Variants in DHRSX observed in about 807,000 individuals in gnomAD.
The protein encoded by DHRSX is polyprenol dehydrogenase.
DHRSX carries 31 observed loss-of-function variants against 34.0 expected under a neutral mutation model. The ratio of observed to expected loss-of-function variants is 0.91; its 90% CI spans 0.69 to 1.23. The LOEUF (loss-of-function observed/expected upper bound fraction) is 1.23. DHRSX is among the 50% of genes most tolerant of loss of function. The pLI is 0.00. For missense variants in DHRSX, 414 were observed against 428.1 expected (o/e 0.97, Z 0.29); for synonymous variants, 201 against 183.8 (o/e 1.09, Z -0.76).
chrX:2,274,803 T>C lies in DHRSX; in HGVS notation c.389-7856A>G, dbSNP rs758211325. Among the ~76,000 whole-genome samples the C allele has an allele frequency of 4.6e-5, 7 of 152,234 alleles. No homozygotes were observed. In the East Asian group the frequency reaches 1.2e-3, roughly 25 times the overall value. On this transcript the variant is annotated intron_variant, in intron 4 of 6. Coordinates refer to ENST00000334651, the MANE Select transcript of DHRSX (RefSeq NM_145177.3). The stretch of plus-strand genomic sequence containing the variant: ...GCAAACCCACCTGAAACGCTGATAT[T>C]TACGGAACGAAAGCCTGACATATTC...
chrX:2,447,310 T>G (rs1003294952), intron 1 of DHRSX, among the ~76,000 whole-genome samples: 5 of 151,952 alleles, frequency 3.3e-5, no homozygotes, highest in Non-Finnish European at 7.4e-5. Flanking sequence ...AGACATTCAC[T>G]AAGAATGTGG....
rs988671646 is a variant in DHRSX at position 2,242,956 on chromosome X, C to G, written c.804+67G>C. On this transcript the variant is annotated intron_variant, in intron 6 of 6. Coordinates refer to ENST00000334651, the MANE Select transcript of DHRSX (RefSeq NM_145177.3). ...CAAGAACCCTCCCTTGGGGTCTGGA[C>G]TGGGGACCCCCTTTCCTGTAGCATC... is the stretch of plus-strand genomic sequence containing the variant. The G allele has an allele frequency of 1.1e-4, 167 of 1,515,618 alleles. No individual in the cohort carries two copies. In the Middle Eastern group the frequency reaches 1.6e-3, roughly 15 times the overall value. The allele number at this position is 1,515,618 out of a possible 1,614,324, so 93.9% of individuals were successfully genotyped here.
intron 3 of DHRSX, among the ~76,000 whole-genome samples, chrX:2,332,374 A>G (rs2042490432): frequency 1.3e-5 from 2 of 152,186 alleles, no homozygotes; most frequent in Admixed American, 1.3e-4. Flanking sequence ...GAAGCTAGTT[A>G]GTGTGTGCAG....
chrX:2,489,547 C>T (rs766403155), intron 1 of DHRSX: 1 of 1,612,806 alleles, frequency 6.2e-7, no homozygotes, highest in East Asian at 2.2e-5. Flanking sequence ...CGATGGTGGC[C>T]CACTCGCTGG....
At chrX:2,473,402 T>C (rs2044624363) in intron 1 of DHRSX, among the ~76,000 whole-genome samples, 1 of 152,008 alleles carries the variant, frequency 6.6e-6, no homozygotes, top group Non-Finnish European at 1.5e-5. Context: ...GGCGGATGGA[T>C]CACCTGAAGT....
chrX:2,260,328 C>T (rs1183623283), intron 5 of DHRSX, among the ~76,000 whole-genome samples: 2 of 151,856 alleles, frequency 1.3e-5, no homozygotes, highest in African/African-American at 4.8e-5. Context: ...GGGGAGGGTC[C>T]TTCCTGCCTC....
chrX:2,235,866 C>A (rs1199310351), intron 6 of DHRSX, among the ~76,000 whole-genome samples: 1 of 150,140 alleles, frequency 6.7e-6, no homozygotes, highest in Non-Finnish European at 1.5e-5. Context: ...GTCATCCCAG[C>A]ACTTTGGGAG....
At chrX:2,282,414 G>A (rs772142431) in intron 4 of DHRSX, among the ~76,000 whole-genome samples, 2 of 149,412 alleles carry the variant, frequency 1.3e-5, no homozygotes, top group Middle Eastern at 3.4e-3. Context: ...GAGAGAAAGG[G>A]GGAGAGAAGG....
At chrX:2,361,901 T>A (rs2042938641) in intron 3 of DHRSX, among the ~76,000 whole-genome samples, 1 of 152,176 alleles carries the variant, frequency 6.6e-6, no homozygotes, top group Non-Finnish European at 1.5e-5. Flanking sequence ...CTTCAAAAAT[T>A]AATTACAGAG....
At chrX:2,267,806 T>C (rs1008133364) in intron 4 of DHRSX, among the ~76,000 whole-genome samples, 3 of 151,748 alleles carry the variant, frequency 2.0e-5, no homozygotes, top group African/African-American at 7.3e-5. Flanking sequence ...AATTAGTGGG[T>C]GTGGTGGTGC....
At chrX:2,231,307 T>C (rs1430898548) in intron 6 of DHRSX, among the ~76,000 whole-genome samples, 8 of 152,126 alleles carry the variant, frequency 5.3e-5, no homozygotes, top group Admixed American at 5.2e-4. Flanking sequence ...GTAACTTCTG[T>C]GGCATTTCCA....
At chrX:2,352,525 G>A (rs73630289) in intron 3 of DHRSX, among the ~76,000 whole-genome samples, 3,640 of 152,162 alleles carry the variant, frequency 0.024, 142 homozygotes, top group African/African-American at 0.082. Context: ...CTCACCATGC[G>A]ACAATTCTGT....
At chrX:2,353,116 G>A (rs1238812457) in intron 3 of DHRSX, among the ~76,000 whole-genome samples, 13 of 152,252 alleles carry the variant, frequency 8.5e-5, no homozygotes, top group Non-Finnish European at 1.3e-4. Context: ...ATGGTAGCAC[G>A]TGCCTACAGT....
intron 4 of DHRSX, among the ~76,000 whole-genome samples, chrX:2,274,262 T>C (rs1331149035): frequency 6.6e-6 from 1 of 152,036 alleles, no homozygotes; most frequent in Non-Finnish European, 1.5e-5. Flanking sequence ...GCTCTTGAAC[T>C]CCTAATCTCA....
At chrX:2,256,598 C>T (rs569423987) in intron 5 of DHRSX, among the ~76,000 whole-genome samples, 7 of 152,238 alleles carry the variant, frequency 4.6e-5, no homozygotes, top group South Asian at 2.1e-4. Context: ...GGGGATGATT[C>T]GGTACAGCCA....
intron 1 of DHRSX, among the ~76,000 whole-genome samples, chrX:2,436,660 T>G (rs963009894): frequency 1.5e-4 from 22 of 144,946 alleles, no homozygotes; most frequent in African/African-American, 5.1e-4. Flanking sequence ...CATCTGCCAG[T>G]TTTTTTTTTA....
intron 1 of DHRSX, among the ~76,000 whole-genome samples, chrX:2,460,582 C>CTT (rs71281906): frequency 3.9e-3 from 431 of 110,756 alleles, no homozygotes; most frequent in African/African-American, 8.8e-3. Flanking sequence ...CCACGTCTGG[C>CTT]TTTTTTTTTT....
chrX:2,360,476 G>A lies in DHRSX; in HGVS notation c.286+48269C>T, dbSNP rs909384282. ...TGCGTGCCTGTAATCCCAGCTACTT[G>A]GGAGGCTGAGGCAGGAGAATCGCTT... On this transcript the variant is annotated intron_variant, in intron 3 of 6. Coordinates refer to ENST00000334651, the MANE Select transcript of DHRSX (RefSeq NM_145177.3). Among the ~76,000 whole-genome samples the A allele has an allele frequency of 7.9e-5, 12 of 152,168 alleles. No homozygotes were observed. In the South Asian group the frequency reaches 1.7e-3, roughly 21 times the overall value.
chrX:2,348,989 C>T (rs996442879), intron 3 of DHRSX, among the ~76,000 whole-genome samples: 21 of 152,012 alleles, frequency 1.4e-4, no homozygotes, highest in East Asian at 3.9e-4. Context: ...CCACCGCGCC[C>T]GGCTGTGGGT....
Sources: gnomAD v4.1 joint callset for allele counts (sites outside exome capture counted in the v4.1 genomes callset) on GRCh38, gnomAD v4.1.1 for gene constraint, MANE v1.5 for transcripts, NCBI Gene and HGNC (gene_info 2026-07-23, HGNC 2026-07-21) for gene names.